RABGAP1L: variants seen among roughly 807,000 people sequenced by gnomAD.
RABGAP1L encodes the protein rab GTPase-activating protein 1-like.
In RABGAP1L, 63 loss-of-function variants were observed where a neutral mutation model predicts 137.7. The ratio of observed to expected loss-of-function variants is 0.46; its 90% CI spans 0.37 to 0.56. The LOEUF (loss-of-function observed/expected upper bound fraction) is 0.56, where lower values mean the gene tolerates loss of function less well. RABGAP1L is among the 20% of genes least tolerant of loss of function. The pLI is 0.00. For synonymous variants in RABGAP1L, 431 were observed against 433.7 expected, an observed-to-expected ratio of 0.99 and a Z score of 0.08; for missense variants, 1,095 against 1,244.0, an observed-to-expected ratio of 0.88 and a Z score of 1.80.
intron 13 of RABGAP1L, among the ~76,000 whole-genome samples, chr1:174,406,516 A>C (rs1438565524): frequency 1.3e-5 from 2 of 152,206 alleles, no homozygotes; most frequent in Non-Finnish European, 2.9e-5. Context: ...CTTTTTAAAA[A>C]CTTAAGGCAG....
At chr1:174,611,076 A>T (rs1343275983) in intron 13 of RABGAP1L, among the ~76,000 whole-genome samples, 2 of 148,928 alleles carry the variant, frequency 1.3e-5, no homozygotes, top group Non-Finnish European at 3.0e-5. Flanking sequence ...CCCATTTGTC[A>T]ATTTTGGCTT....
chr1:174,867,493 T>G (rs988915485), intron 19 of RABGAP1L, among the ~76,000 whole-genome samples: 1 of 152,204 alleles, frequency 6.6e-6, no homozygotes, highest in Non-Finnish European at 1.5e-5. Context: ...AACTTCTATT[T>G]CAGGATTTCT....
At chr1:174,308,051 C>G (rs1247356870) in intron 11 of RABGAP1L, among the ~76,000 whole-genome samples, 3 of 151,922 alleles carry the variant, frequency 2.0e-5, no homozygotes, top group Non-Finnish European at 4.4e-5. Flanking sequence ...ATTTCCATTT[C>G]CCTTATGATT....
chr1:174,968,615 T>G (rs1669860371), intron 20 of RABGAP1L, among the ~76,000 whole-genome samples: 1 of 152,086 alleles, frequency 6.6e-6, no homozygotes, highest in African/African-American at 2.4e-5. Context: ...CCTCAGTAAT[T>G]TATTTTACCC....
At chr1:174,254,317 T>C (rs747740000) in intron 7 of RABGAP1L, among the ~76,000 whole-genome samples, 1 of 152,208 alleles carries the variant, frequency 6.6e-6, no homozygotes, top group Non-Finnish European at 1.5e-5. Context: ...GTTTGTCTTA[T>C]AATTGATGGC....
intron 10 of RABGAP1L, among the ~76,000 whole-genome samples, chr1:174,295,375 G>T (rs1352477909): frequency 1.3e-5 from 2 of 151,836 alleles, no homozygotes; most frequent in Non-Finnish European, 2.9e-5. Flanking sequence ...ACCACACCTG[G>T]CTAGTTTTTC....
rs1465727981 is a variant in RABGAP1L at position 174,305,094 on chromosome 1, C to T, written c.1432C>T (p.Pro478Ser). 2 of 1,547,304 alleles carry T rather than the reference C, an allele frequency of 1.3e-6. No homozygotes were observed. Among genetic ancestry groups the T allele is most frequent in the African/African-American group, 1.4e-5 (1 of 70,398 alleles). ...AGTCACTCCTACTAGTGGAGGGGGTCCAATGTCACCCCAGGATGATGAAGC... is the reference window on the plus strand; with the variant it reads ...AGTCACTCCTACTAGTGGAGGGGGTTCAATGTCACCCCAGGATGATGAAGC... The part of the protein sequence containing the change: ...EPVTPTSGGG[P>S]MSPQDDEAEE... The change falls in exon 11 of 26, where the codon CCA (proline) becomes TCA (serine). Residue 478 changes from proline (P) to serine (S), a missense_variant. Physicochemically the swap from Pro to Ser is moderately conservative, Grantham distance 74. Around this residue, in one of 4 missense-constraint regions of RABGAP1L, gnomAD observed 315 missense variants for 324.8 expected, o/e 0.97. Transcript: ENST00000681986.
chr1:174,488,927 C>T (rs1013087385), intron 13 of RABGAP1L, among the ~76,000 whole-genome samples: 1 of 119,308 alleles, frequency 8.4e-6, no homozygotes, highest in Non-Finnish European at 1.7e-5. Context: ...CCCCCCACCC[C>T]ACAACAGGTC....
At chr1:174,184,616 T>C (rs1666658268) in intron 1 of RABGAP1L, among the ~76,000 whole-genome samples, 2 of 152,318 alleles carry the variant, frequency 1.3e-5, no homozygotes, top group Middle Eastern at 3.4e-3. Flanking sequence ...GAAACACTTT[T>C]AAGCTCAGGA....
At chr1:174,739,170 A>T (rs1006912968) in intron 17 of RABGAP1L, among the ~76,000 whole-genome samples, 1 of 152,152 alleles carries the variant, frequency 6.6e-6, no homozygotes, top group African/African-American at 2.4e-5. Flanking sequence ...TTGGCTCCTA[A>T]TAAAGGAACA....
At chr1:174,850,227 A>T in intron 19 of RABGAP1L, 18 of 259,070 alleles carry the variant, frequency 6.9e-5, no homozygotes, top group Non-Finnish European at 9.2e-5. Context: ...AGTGCAGGAA[A>T]CCTCCGGGGT....
At chr1:174,421,624 C>CCTTTATT (rs1457133683) in intron 13 of RABGAP1L, among the ~76,000 whole-genome samples, 7 of 152,094 alleles carry the variant, frequency 4.6e-5, no homozygotes, top group Non-Finnish European at 1.0e-4. Context: ...CTCTATTTTG[C>CCTTTATT]CTTTATTCTT....
rs1306807984 is a variant in RABGAP1L, at chr1:174,394,246, A to G, written c.1710+101A>G. 13 of 1,392,092 alleles carry G rather than the reference A, an allele frequency of 9.3e-6. No homozygotes were observed. The South Asian group carries it at 1.1e-4, about 12-fold the overall frequency. The allele number at this position is 1,392,092 out of a possible 1,614,324, so 86.2% of individuals were successfully genotyped here. A position where few individuals can be genotyped will look rare whatever the true frequency, so the allele number is the denominator to read the frequency against. ...AGTCATAAATGCTTTGAACTTCTTC[A>G]TGAATATATTGAGGTCGTGAAGTCA... On this transcript the variant is annotated intron_variant, in intron 13 of 25. Transcript: ENST00000681986.
intron 17 of RABGAP1L, among the ~76,000 whole-genome samples, chr1:174,718,566 A>G (rs1001125426): frequency 1.3e-5 from 2 of 152,164 alleles, no homozygotes; most frequent in Admixed American, 6.5e-5. Context: ...CCCAATTCTT[A>G]ATGTTTAATA....
At chr1:174,701,868 A>G (rs1338507048) in intron 16 of RABGAP1L, among the ~76,000 whole-genome samples, 1 of 152,222 alleles carries the variant, frequency 6.6e-6, no homozygotes, top group East Asian at 1.9e-4. Context: ...AGAACAGTCA[A>G]GTGAGCAAGA....
intron 19 of RABGAP1L, among the ~76,000 whole-genome samples, chr1:174,916,637 A>C (rs949019394): frequency 6.6e-6 from 1 of 152,232 alleles, no homozygotes; most frequent in Non-Finnish European, 1.5e-5. Context: ...TTCAGTATAC[A>C]CAATCCAAAT....
Position 174,240,276 on chromosome 1 carries a change from T to C in RABGAP1L, c.543-1207T>C, listed in dbSNP as rs376520652. On this transcript the variant is annotated intron_variant, in intron 4 of 25. Transcript: ENST00000681986. ...TTGTTTTTGTTTTTGAGACACAGTT[T>C]CACTCTGTTCCCCAGGCTGGAGTGC... 1.4e-4 allele frequency among the ~76,000 whole-genome samples: 22 copies of C among 152,326 alleles called. No individual in the cohort carries two copies. In the South Asian group the frequency reaches 3.9e-3, roughly 27 times the overall value.
chr1:174,725,015 A>G (rs1681872605), intron 17 of RABGAP1L, among the ~76,000 whole-genome samples: 1 of 152,170 alleles, frequency 6.6e-6, no homozygotes, highest in East Asian at 1.9e-4. Flanking sequence ...GTAGGACCCA[A>G]ATTATACCAG....
intron 13 of RABGAP1L, chr1:174,544,707 T>A (rs1665840802): frequency 6.6e-6 from 1 of 152,266 alleles, no homozygotes; most frequent in Non-Finnish European, 1.5e-5. Flanking sequence ...TTAGCTTTTC[T>A]GCTCTGGTTT....
Sources: allele counts gnomAD v4.1 joint callset (sites outside exome capture counted in the v4.1 genomes callset), GRCh38; gene constraint gnomAD v4.1.1; regional missense constraint gnomAD v4.1.1; transcripts MANE v1.5; gene names NCBI Gene and HGNC (gene_info 2026-07-23, HGNC 2026-07-21).